The following KIDINS220 variants were observed in gnomAD, a reference collection of about 807,000 sequenced individuals.
The protein encoded by KIDINS220 is kinase D-interacting substrate of 220 kDa.
In KIDINS220, 63 loss-of-function variants were observed where a neutral mutation model predicts 157.6. The ratio of observed to expected loss-of-function variants is 0.40; its 90% confidence interval spans 0.33 to 0.49. KIDINS220 has a LOEUF of 0.49. Among genes scored for constraint, KIDINS220 ranks in the 20% least tolerant of loss-of-function variants. KIDINS220 has a pLI of 0.66. For missense variants in KIDINS220, 1,772 were observed against 2,171.2 expected, an observed-to-expected ratio of 0.82 and a Z score of 3.65; for synonymous variants, 732 against 783.6, an observed-to-expected ratio of 0.93 and a Z score of 1.10.
chr2:8,750,354 C>A lies in KIDINS220; in HGVS notation c.3191-19G>T, dbSNP rs770258882. 1 of 1,489,174 alleles carries A rather than the reference C, an allele frequency of 6.7e-7. No homozygotes were observed. Among genetic ancestry groups the A allele is most frequent in the Admixed American group, 2.0e-5 (1 of 49,658 alleles). The allele number at this position is 1,489,174 out of a possible 1,614,324, so 92.2% of individuals were successfully genotyped here. ...CGAACATCTGAAAGATTCAATCAGA[C>A]CCCAGAAGGCAAGAGAAAACAGGAC... is the stretch of plus-strand genomic sequence containing the variant. On this transcript the variant is annotated intron_variant, in intron 23 of 29. Transcript: ENST00000256707.
Position 8,814,264 on chromosome 2 carries a change from A to G in KIDINS220, c.307-929T>C, listed in dbSNP as rs1004316769. On this transcript the variant is annotated intron_variant, in intron 4 of 29. Coordinates refer to ENST00000256707, the MANE Select transcript of KIDINS220 (RefSeq NM_020738.4). ...CGATTCAATAAAAAAGACCAATGTAATCAAATCTTACTAAGGAATTTTTTT... is the reference window on the plus strand; with the variant it reads ...CGATTCAATAAAAAAGACCAATGTAGTCAAATCTTACTAAGGAATTTTTTT... 7.9e-5 allele frequency among the ~76,000 whole-genome samples: 12 copies of G among 152,210 alleles called. 1 individual carries two copies. The highest frequency in any genetic ancestry group is 2.7e-4 in the African/African-American group (11 of 41,448).
intron 17 of KIDINS220, among the ~76,000 whole-genome samples, chr2:8,781,461 G>C (rs922552812): frequency 6.6e-6 from 1 of 151,396 alleles, no homozygotes; most frequent in African/African-American, 2.4e-5. Context: ...AAAAAAAACA[G>C]AATACACATT....
rs1485640227 is a variant in KIDINS220 at position 8,813,305 on chromosome 2, A to T, written c.337T>A (p.Tyr113Asn). ...TCTACTACGTCAGTACGGCCTTTGTAACATGCCCACATAAGAGCTGTCCAT... is the reference window on the plus strand; with the variant it reads ...TCTACTACGTCAGTACGGCCTTTGTTACATGCCCACATAAGAGCTGTCCAT... ...GGWTALMWAC[Y>N]KGRTDVVELL... Residue 113 changes from tyrosine to asparagine, a missense_variant, in exon 5 of 30, where the codon TAC (tyrosine) becomes AAC (asparagine). By Grantham distance (143) the Tyr-to-Asn change is moderately radical (BLOSUM62 -2). This residue lies in a region of KIDINS220 where 254 missense variants were observed against 268.6 expected (regional missense o/e 0.95). Coordinates refer to ENST00000256707, the MANE Select transcript of KIDINS220 (RefSeq NM_020738.4). The T allele has an allele frequency of 6.2e-7, 1 of 1,613,270 alleles. No homozygotes were observed. The highest frequency in any genetic ancestry group is 8.5e-7 in the Non-Finnish European group (1 of 1,179,744).
intron 21 of KIDINS220, among the ~76,000 whole-genome samples, chr2:8,771,106 G>A (rs1670161229): frequency 6.6e-6 from 1 of 152,090 alleles, no homozygotes; most frequent in Non-Finnish European, 1.5e-5. Flanking sequence ...CGTATATGCA[G>A]GCAAACATCT....
intron 4 of KIDINS220, among the ~76,000 whole-genome samples, chr2:8,814,078 T>C (rs530250766): frequency 6.6e-6 from 1 of 152,302 alleles, no homozygotes; most frequent in East Asian, 1.9e-4. Context: ...AAATCCCAGA[T>C]CATTTTAGTA....
chr2:8,749,389 G>T (rs1347529620), intron 24 of KIDINS220: 3 of 456,176 alleles, frequency 6.6e-6, no homozygotes, highest in Admixed American at 2.4e-5. Context: ...AACAGTTCCA[G>T]AAAGTGTAAC....
At chr2:8,780,507 T>C (rs572687286) in intron 17 of KIDINS220, among the ~76,000 whole-genome samples, 1 of 78,196 alleles carries the variant, frequency 1.3e-5, no homozygotes, top group Non-Finnish European at 2.4e-5. Flanking sequence ...AGCTTATATA[T>C]GTGTGTGTGT....
chr2:8,765,163 A>AC (rs1368730998), intron 22 of KIDINS220, among the ~76,000 whole-genome samples: 1 of 152,228 alleles, frequency 6.6e-6, no homozygotes, highest in East Asian at 1.9e-4. Flanking sequence ...GGCTGAGGAC[A>AC]CTGCGAACTC....
chr2:8,813,481 T>TC (rs1257033637), intron 4 of KIDINS220, 146 bp from the exon 5 acceptor site: 1 of 563,718 alleles, frequency 1.8e-6, no homozygotes, highest in East Asian at 3.1e-5. Context: ...ATTCCCAGGC[T>TC]CCCCAAATAC....
At chr2:8,789,629 G>C (rs13411410) in intron 14 of KIDINS220, among the ~76,000 whole-genome samples, 64,123 of 151,284 alleles carry the variant, frequency 0.42, 15,685 homozygotes, top group East Asian at 0.59. Flanking sequence ...TTAACAAAAA[G>C]AGTAAGTATA....
intron 21 of KIDINS220, among the ~76,000 whole-genome samples, chr2:8,771,260 A>G (rs990491841): frequency 2.6e-5 from 4 of 152,226 alleles, no homozygotes; most frequent in Non-Finnish European, 5.9e-5. Flanking sequence ...ATGCCAGTCC[A>G]TTCTCGTTGT....
chr2:8,781,153 A>ATATATATAATATAT (rs70946383), intron 17 of KIDINS220, among the ~76,000 whole-genome samples: 16,646 of 130,130 alleles, frequency 0.13, 1,484 homozygotes, highest in East Asian at 0.25. Flanking sequence ...ATATATATAT[A>ATATATATAATATAT]ATATATATAT....
chr2:8,815,729 T>C (rs1237413728), intron 4 of KIDINS220, among the ~76,000 whole-genome samples: 2 of 152,164 alleles, frequency 1.3e-5, no homozygotes, highest in Non-Finnish European at 2.9e-5. Context: ...ACCTATGAGA[T>C]AAAATTTTAA....
chr2:8,780,375 C>T (rs545691158), intron 17 of KIDINS220, among the ~76,000 whole-genome samples: 14 of 152,218 alleles, frequency 9.2e-5, no homozygotes, highest in African/African-American at 2.9e-4. Flanking sequence ...ATGTTTCTCA[C>T]TCCAAATATG....
rs538735120 is a variant in KIDINS220, at chr2:8,813,532, T to C, written c.307-197A>G. Among the ~76,000 whole-genome samples the C allele has an allele frequency of 2.0e-3, 306 of 152,344 alleles. 2 individuals are homozygous for C. The highest frequency in any genetic ancestry group is 0.017 in the Middle Eastern group (5 of 294). ...AAGTCAAATCTCTTGCATCCACAAA[T>C]GGTTAGTCCAAAGTTTATAATATAT... On this transcript the variant is annotated intron_variant, in intron 4 of 29. Coordinates refer to ENST00000256707, the MANE Select transcript of KIDINS220 (RefSeq NM_020738.4).
At position 8,808,651 on chromosome 2, in the gene KIDINS220, C is replaced by T. The variant is rs866548149; in HGVS notation, c.505-2282G>A. On this transcript the variant is annotated intron_variant, in intron 6 of 29. Coordinates refer to ENST00000256707, the MANE Select transcript of KIDINS220 (RefSeq NM_020738.4). ...TCTCTCATCTCTCAAATTCTGGTCT[C>T]TATCCCTTCTCAATCTAATCCCTTT... is the stretch of plus-strand genomic sequence containing the variant. Among the ~76,000 whole-genome samples the T allele has an allele frequency of 5.3e-5, 8 of 152,378 alleles. 1 individual carries two copies. In the Middle Eastern group the frequency reaches 0.02, roughly 389 times the overall value.
In KIDINS220 at chr2:8,757,636, T is replaced by C. The variant is rs1668182123; in HGVS notation, c.3012-5992A>G. ...TCGAGGCAGATAACCCAAGTGAATG[T>C]GCATCTCTGAGGGAGTCATGGCCTG... On this transcript the variant is annotated intron_variant, in intron 22 of 29. Transcript: ENST00000256707. 6 of 1,609,222 alleles carry C rather than the reference T, an allele frequency of 3.7e-6. No individual in the cohort carries two copies. The Middle Eastern group carries it at 6.6e-4, about 177-fold the overall frequency.
At chr2:8,824,419 G>A (rs772313752) in intron 2 of KIDINS220, among the ~76,000 whole-genome samples, 5 of 152,160 alleles carry the variant, frequency 3.3e-5, no homozygotes, top group Admixed American at 1.3e-4. Context: ...GATGCCTCAC[G>A]CCTGTAATCC....
intron 6 of KIDINS220, among the ~76,000 whole-genome samples, chr2:8,811,868 A>G (rs1017569513): frequency 5.9e-5 from 9 of 151,718 alleles, no homozygotes; most frequent in African/African-American, 2.2e-4. Flanking sequence ...GCTGAGGAGG[A>G]AGAGGCGGGC....
Sources: allele counts gnomAD v4.1 joint callset (sites outside exome capture counted in the v4.1 genomes callset), GRCh38; gene constraint gnomAD v4.1.1; regional missense constraint gnomAD v4.1.1; transcripts MANE v1.5; gene names NCBI Gene and HGNC (gene_info 2026-07-23, HGNC 2026-07-21).